PRAG1: variants seen among roughly 807,000 people sequenced by gnomAD.
PRAG1 encodes PEAK1 related, kinase-activating pseudokinase 1.
In PRAG1, 110 loss-of-function variants were observed where a neutral mutation model predicts 95.6. That is an observed-to-expected ratio of 1.15 (90% CI 0.99 to 1.35). The LOEUF (loss-of-function observed/expected upper bound fraction) is 1.35. PRAG1 is among the 40% of genes most tolerant of loss of function. The pLI is 0.00. For missense variants in PRAG1, 2,554 were observed against 1,864.7 expected, an observed-to-expected ratio of 1.37 and a Z score of -6.81; for synonymous variants, 1,052 against 819.4, an observed-to-expected ratio of 1.28 and a Z score of -4.85.
At chr8:8,372,419 A>G (rs567881632) in intron 3 of PRAG1, among the ~76,000 whole-genome samples, 5 of 152,342 alleles carry the variant, frequency 3.3e-5, no homozygotes, top group Admixed American at 2.6e-4. Flanking sequence ...GTTGATCCTC[A>G]TCTTATAATT....
intron 3 of PRAG1, among the ~76,000 whole-genome samples, chr8:8,367,631 G>A (rs1800053485): frequency 6.6e-6 from 1 of 151,796 alleles, no homozygotes. Context: ...GTTCTTGTAT[G>A]TATCTGGTGG....
rs548664803 is a variant in PRAG1, at chr8:8,368,864, A to G, written c.2162+7383T>C. Among the ~76,000 whole-genome samples the G allele has an allele frequency of 1.6e-4, 25 of 151,520 alleles. No homozygotes were observed. The South Asian group carries it at 5.0e-3, about 30-fold the overall frequency. On this transcript the variant is annotated intron_variant, in intron 3 of 5. Coordinates refer to ENST00000615670, the MANE Select transcript of PRAG1 (RefSeq NM_001080826.3). ...AAAAAAAAGTGTTTAGATGATTACT[A>G]CCTGAGAAAATATTATTTTGGCAAG...
At chr8:8,356,126 A>G (rs904783751) in intron 3 of PRAG1, among the ~76,000 whole-genome samples, 1 of 152,218 alleles carries the variant, frequency 6.6e-6, no homozygotes, top group African/African-American at 2.4e-5. Context: ...ATCTGAACAG[A>G]CATTTATCTG....
intron 3 of PRAG1, among the ~76,000 whole-genome samples, chr8:8,372,244 T>C (rs1233553081): frequency 6.6e-6 from 1 of 152,228 alleles, no homozygotes; most frequent in South Asian, 2.1e-4. Context: ...GGTCTTGAAC[T>C]CCTTACCCCA....
chr8:8,332,883 T>G (rs1518992), intron 4 of PRAG1, among the ~76,000 whole-genome samples: 33,312 of 152,078 alleles, frequency 0.22, 4,185 homozygotes, highest in African/African-American at 0.35. Flanking sequence ...CAACACAGCA[T>G]CTATGTTCTT....
chr8:8,340,809 A>C (rs1329200703), intron 3 of PRAG1, among the ~76,000 whole-genome samples: 1 of 152,174 alleles, frequency 6.6e-6, no homozygotes, highest in East Asian at 1.9e-4. Context: ...CAACCCTTAG[A>C]ATCGTACTTT....
Position 8,377,155 on chromosome 8 carries a change from C to T in PRAG1, c.1254G>A (p.Lys418=). The part of the protein sequence containing the change: ...QPEPIYAEST[K]RKKAAPVPSK... ...AAGGCACCGGAGCTGCCTTCTTCCT[C>T]TTGGTGCTCTCAGCATAGATGGGTT... Residue 418 remains lysine, a synonymous_variant, in exon 3 of 6, where the codon AAG becomes AAA. Transcript: ENST00000615670. 6.2e-7 allele frequency: 1 copy of T among 1,612,172 alleles called. No homozygotes were observed. The highest frequency in any genetic ancestry group is 1.1e-5 in the South Asian group (1 of 91,088).
intron 1 of PRAG1, among the ~76,000 whole-genome samples, chr8:8,383,324 A>G (rs924252178): frequency 4.6e-5 from 7 of 152,254 alleles, no homozygotes; most frequent in African/African-American, 1.7e-4. Flanking sequence ...TAATCCCAGC[A>G]CTTTGGGAGG....
Position 8,335,582 on chromosome 8 carries a change from A to G in PRAG1, c.2320+3896T>C, listed in dbSNP as rs148808289. Among the ~76,000 whole-genome samples the G allele has an allele frequency of 1.1e-3, 160 of 152,334 alleles. 2 individuals are homozygous for G. In the East Asian group the frequency reaches 0.028, roughly 27 times the overall value. On this transcript the variant is annotated intron_variant, in intron 4 of 5. Transcript: ENST00000615670. ...GTATTGACTTTATTGGAACAATAATATATTATTTAAAATTCAGTTTAACGG... is the reference window on the plus strand; with the variant it reads ...GTATTGACTTTATTGGAACAATAATGTATTATTTAAAATTCAGTTTAACGG...
intron 3 of PRAG1, among the ~76,000 whole-genome samples, chr8:8,350,383 G>C (rs760914983): frequency 6.6e-6 from 1 of 152,154 alleles, no homozygotes; most frequent in Non-Finnish European, 1.5e-5. Context: ...GATCACCTAA[G>C]AACAACGTGT....
rs183503970 is a variant in PRAG1, at chr8:8,328,775, C to T, written c.2321-314G>A. Among the ~76,000 whole-genome samples, 1,155 of 149,730 alleles carry T rather than the reference C, an allele frequency of 7.7e-3. 11 individuals are homozygous for T. Among genetic ancestry groups the T allele is most frequent in the African/African-American group, 0.028 (1,096 of 39,184 alleles). On this transcript the variant is annotated intron_variant, in intron 4 of 5. Transcript: ENST00000615670. ...AAACAAATGCGTGCCTGCACGCGTG[C>T]GCACACACACACACACACACACACA...
chr8:8,318,780 C>A lies in PRAG1; in HGVS notation c.3595G>T (p.Ala1199Ser). ...GGTLSPAAGP[A>S]SPEGPREKQL... ...TTCTCCCGGGGCCCTTCCGGGGAGG[C>A]GGGGCCGGCTGCGGGGCTGAGAGTG... Residue 1199 changes from alanine to serine, a missense_variant, in exon 6 of 6, where the codon GCC becomes TCC. Transcript: ENST00000615670. The surrounding 1 kb of genome is among the most constrained non-coding windows in gnomAD (Gnocchi z 4.2). The A allele has an allele frequency of 6.7e-7, 1 of 1,500,422 alleles. No individual in the cohort carries two copies. The highest frequency in any genetic ancestry group is 8.9e-7 in the Non-Finnish European group (1 of 1,120,462). The allele number at this position is 1,500,422 out of a possible 1,614,324, so 92.9% of individuals were successfully genotyped here. A position where few individuals can be genotyped will look rare whatever the true frequency, so the allele number is the denominator to read the frequency against.
intron 4 of PRAG1, among the ~76,000 whole-genome samples, chr8:8,330,069 A>G (rs560824080): frequency 2.6e-5 from 4 of 152,320 alleles, no homozygotes; most frequent in Admixed American, 6.5e-5. Context: ...ATCATCTATC[A>G]TAAGACTCAA....
chr8:8,339,583 C>T lies in PRAG1; in HGVS notation c.2215G>A (p.Gly739Ser), dbSNP rs374528682. The T allele has an allele frequency of 4.3e-5, 70 of 1,613,930 alleles. No homozygotes were observed. Among genetic ancestry groups the T allele is most frequent in the Non-Finnish European group, 5.2e-5 (61 of 1,179,938 alleles). ...SSSDLEKVSQ[G>S]SAESLSPSFR... The stretch of plus-strand genomic sequence containing the variant: ...GATGGGCTGAGGCTTTCTGCAGAGC[C>T]CTGGCTCACTTTTTCCAAATCAGAG... Residue 739 changes from glycine (G) to serine (S), a missense_variant, in exon 4 of 6, where the codon GGC becomes AGC. Coordinates refer to ENST00000615670, the MANE Select transcript of PRAG1 (RefSeq NM_001080826.3).
At position 8,376,339 on chromosome 8, in the gene PRAG1, C is replaced by T; in HGVS notation, c.2070G>A (p.Gly690=). 1 of 1,614,214 alleles carries T rather than the reference C, an allele frequency of 6.2e-7. No individual in the cohort carries two copies. Among genetic ancestry groups the T allele is most frequent in the South Asian group, 1.1e-5 (1 of 91,080 alleles). The change falls in exon 3 of 6, where the codon GGG becomes GGA. Residue 690 remains glycine (G), a synonymous_variant. Coordinates refer to ENST00000615670, the MANE Select transcript of PRAG1 (RefSeq NM_001080826.3). ...AGGCAAAAGAGGCGGATTTGCTCATCCCGGTCCCAACTTTGCTGTTCTGCC... is the reference window on the plus strand; with the variant it reads ...AGGCAAAAGAGGCGGATTTGCTCATTCCGGTCCCAACTTTGCTGTTCTGCC... ...SSGQNSKVGT[G]MSKSASFAFE...
chr8:8,378,186 T>C (rs1800499837), intron 2 of PRAG1, 108 bp from the exon 3 acceptor site: 1 of 1,323,462 alleles, frequency 7.6e-7, no homozygotes, highest in East Asian at 2.4e-5. Context: ...ATGTCTTCTG[T>C]AGTGCAGTGC....
Position 8,377,295 on chromosome 8 carries a change from G to C in PRAG1, c.1114C>G (p.Pro372Ala), listed in dbSNP as rs757130328. 6 of 1,612,680 alleles carry C rather than the reference G, an allele frequency of 3.7e-6. No homozygotes were observed. The East Asian group carries it at 8.9e-5, about 24-fold the overall frequency. Residue 372 changes from proline (P) to alanine (A), a missense_variant, in exon 3 of 6, where the codon CCT becomes GCT. Pro to Ala is a conservative substitution (Grantham distance 27). Coordinates refer to ENST00000615670, the MANE Select transcript of PRAG1 (RefSeq NM_001080826.3). ...ESDYCSLMKE[P>A]APEKQQDPGC... ...GGGTCCTGCTGCTTCTCTGGGGCAG[G>C]TTCCTTCATGAGGGAGCAGTAATCA...
Position 8,319,289 on chromosome 8 carries a change from G to C in PRAG1, c.3086C>G (p.Pro1029Arg). The C allele has an allele frequency of 1.3e-6, 2 of 1,514,144 alleles. No individual in the cohort carries two copies. Among genetic ancestry groups the C allele is most frequent in the South Asian group, 1.3e-5 (1 of 75,850 alleles). 93.8% of individuals were successfully genotyped at this position (1,514,144 alleles called of 1,614,324 possible). ...GCAGTAGGAGACTGTTTTGGGCTCA[G>C]GGGCTTTGCAGATCTGTGGAGAGAA... ...STYAVKICKA[P>R]EPKTVSYCSP... is the part of the protein sequence containing the mutation. The change falls in exon 6 of 6, where the codon CCT becomes CGT. Residue 1029 changes from proline to arginine, a missense_variant. By Grantham distance (103) the Pro-to-Arg change is moderately radical. Transcript: ENST00000615670.
Position 8,373,454 on chromosome 8 carries a change from A to ATTGTTTTTTTTTTTTTTTTTTTT in PRAG1, c.2162+2792_2162+2793insAAAAAAAAAAAAAAAAAAAACAA, listed in dbSNP as rs1470559658. ...CTCTTAAGCTAATTTTATTTTCTAG[A>ATTGTTTTTTTTTTTTTTTTTTTT]TTTTTTTTTTTTTGAGACAGGGTCT... On this transcript the variant is annotated intron_variant, in intron 3 of 5. Coordinates refer to ENST00000615670, the MANE Select transcript of PRAG1 (RefSeq NM_001080826.3). Among the ~76,000 whole-genome samples the ATTGTTTTTTTTTTTTTTTTTTTT allele has an allele frequency of 1.0e-4, 14 of 138,360 alleles. 2 individuals carry two copies. Among genetic ancestry groups the ATTGTTTTTTTTTTTTTTTTTTTT allele is most frequent in the African/African-American group, 2.2e-4 (8 of 36,402 alleles). The allele number at this position is 138,360 out of a possible 152,430, so 90.8% of individuals were successfully genotyped here.
Sources: allele counts gnomAD v4.1 joint callset (sites outside exome capture counted in the v4.1 genomes callset), GRCh38; gene constraint gnomAD v4.1.1; non-coding constraint Gnocchi (gnomAD v3.1); transcripts MANE v1.5; gene names NCBI Gene and HGNC (gene_info 2026-07-23, HGNC 2026-07-21).